Variants in VPS54 observed in about 807,000 individuals in gnomAD.
VPS54 encodes the protein vacuolar protein sorting-associated protein 54.
Under a neutral mutation model 121.5 loss-of-function variants are expected in VPS54, and 45 were observed. The observed-to-expected ratio is 0.37, with a 90% CI of 0.29 to 0.47. VPS54 has a LOEUF of 0.47. Among genes scored for constraint, VPS54 ranks in the 20% least tolerant of loss-of-function variants. The pLI, the probability that VPS54 is intolerant of heterozygous loss-of-function variation, is 0.99. For synonymous variants in VPS54, 371 were observed against 385.8 expected (o/e 0.96, Z 0.45); for missense variants, 1,090 against 1,131.4 (o/e 0.96, Z 0.52).
At chr2:64,013,641 TCAATATATAG>T (rs1222272036) in intron 1 of VPS54, among the ~76,000 whole-genome samples, 1 of 145,928 alleles carries the variant, frequency 6.9e-6, no homozygotes, top group Non-Finnish European at 1.5e-5. Flanking sequence ...TAAATATATA[TCAATATATAG>T]ATATATATTG....
At chr2:63,934,061 C>A in intron 11 of VPS54, 48 bp from the exon 12 acceptor site, 1 of 1,489,226 alleles carries the variant, frequency 6.7e-7, no homozygotes. Flanking sequence ...ATGTCTCTTA[C>A]CTGAAGTTCC....
At chr2:63,948,424 T>TG (rs1344009254) in intron 8 of VPS54, among the ~76,000 whole-genome samples, 1 of 149,604 alleles carries the variant, frequency 6.7e-6, no homozygotes, top group Non-Finnish European at 1.5e-5. Flanking sequence ...GTTTTTTTTT[T>TG]TTTTTTTTTT....
chr2:63,928,836 CAAA>C (rs1383479805), intron 12 of VPS54, among the ~76,000 whole-genome samples: 11 of 64,248 alleles, frequency 1.7e-4, no homozygotes, highest in Non-Finnish European at 3.0e-4. Context: ...AAATGGAAAG[CAAA>C]AAAAAAAAAA....
chr2:63,934,083 T>G, intron 11 of VPS54, 70 bp from the exon 12 acceptor site: 1 of 1,352,004 alleles, frequency 7.4e-7, no homozygotes, highest in East Asian at 2.4e-5. Flanking sequence ...AAAAGAGAAT[T>G]CTGTGCATGT....
At chr2:64,013,681 G>GAT (rs1364290820) in intron 1 of VPS54, among the ~76,000 whole-genome samples, 16 of 141,482 alleles carry the variant, frequency 1.1e-4, no homozygotes, top group Non-Finnish European at 2.1e-4. Flanking sequence ...TCTATATATT[G>GAT]ATATATATCA....
At chr2:63,907,507 A>T (rs2104420297) in intron 20 of VPS54, among the ~76,000 whole-genome samples, 1 of 148,798 alleles carries the variant, frequency 6.7e-6, no homozygotes, top group Admixed American at 6.8e-5. Flanking sequence ...AACAAGAGAG[A>T]AACTCCATCT....
In VPS54 at chr2:64,015,530, A is replaced by G. The variant is rs115244699; in HGVS notation, c.-21+3408T>C. On this transcript the variant is annotated intron_variant, in intron 1 of 22. Transcript: ENST00000272322. ...TGGTACCATTGACATTTTGAACCGG[A>G]TAATTTCTTGCAGAAGTATGTCCTG... Among the ~76,000 whole-genome samples the G allele has an allele frequency of 7.1e-3, 1,088 of 152,286 alleles. 7 individuals are homozygous for G. Among genetic ancestry groups the G allele is most frequent in the South Asian group, 0.023 (111 of 4,824 alleles).
chr2:63,934,422 C>G (rs1335837239), intron 11 of VPS54, among the ~76,000 whole-genome samples: 1 of 152,146 alleles, frequency 6.6e-6, no homozygotes, highest in Non-Finnish European at 1.5e-5. Flanking sequence ...TTCTCCTTTT[C>G]TCGTATCTTC....
chr2:63,933,103 G>A (rs77804166), intron 12 of VPS54, among the ~76,000 whole-genome samples: 23,082 of 152,106 alleles, frequency 0.15, 2,247 homozygotes, highest in Middle Eastern at 0.25. Context: ...TTAACACCTG[G>A]GGAATCTGGA....
intron 1 of VPS54, among the ~76,000 whole-genome samples, chr2:63,998,907 C>G (rs1243827007): frequency 6.6e-6 from 1 of 151,932 alleles, no homozygotes; most frequent in Non-Finnish European, 1.5e-5. Flanking sequence ...CAGATGGTAT[C>G]TTTTTGCTTA....
chr2:64,003,436 A>G (rs1268012949), intron 1 of VPS54, among the ~76,000 whole-genome samples: 2 of 152,146 alleles, frequency 1.3e-5, no homozygotes, highest in African/African-American at 4.8e-5. Context: ...CACTCTATGT[A>G]TTTCAATTTT....
At chr2:64,016,619 T>C (rs925634468) in intron 1 of VPS54, among the ~76,000 whole-genome samples, 1 of 151,888 alleles carries the variant, frequency 6.6e-6, no homozygotes, top group African/African-American at 2.4e-5. Context: ...TATTTTTTTT[T>C]TTTTTTTGAG....
chr2:63,920,131 A>G, intron 14 of VPS54, 136 bp from the exon 15 acceptor site: 2 of 621,152 alleles, frequency 3.2e-6, no homozygotes, highest in Non-Finnish European at 5.3e-6. Context: ...AAGCAGGACC[A>G]ATACTTAGAA....
intron 20 of VPS54, among the ~76,000 whole-genome samples, chr2:63,909,993 G>A (rs997719562): frequency 2.0e-5 from 3 of 152,100 alleles, no homozygotes; most frequent in African/African-American, 7.2e-5. Flanking sequence ...TCCCAAAAGT[G>A]CTGGGATTAC....
intron 1 of VPS54, among the ~76,000 whole-genome samples, chr2:64,003,232 A>C (rs1197192599): frequency 2.0e-5 from 3 of 152,214 alleles, no homozygotes; most frequent in Admixed American, 6.5e-5. Flanking sequence ...TCTAAGCACT[A>C]AACACAGGGA....
chr2:63,975,364 T>C, intron 3 of VPS54: 1 of 199,892 alleles, frequency 5.0e-6, no homozygotes, highest in Non-Finnish European at 1.0e-5. Context: ...ACAAACCACC[T>C]TCTTGCCTGG....
Position 63,912,642 on chromosome 2 carries a change from C to T in VPS54, c.2442G>A (p.Leu814=), listed in dbSNP as rs753509556. The T allele has an allele frequency of 4.5e-6, 7 of 1,571,074 alleles. No individual in the cohort carries two copies. The highest frequency in any genetic ancestry group is 4.6e-5 in the East Asian group (2 of 43,296). ...TKNLALSSRC[L]QLIVHYIPVI... ...CAGGAATGTAGTGCACAATTAACTG[C>T]AAACATCGTGAAGAAAGAGCTGAAG... Residue 814 remains leucine (L), a synonymous_variant, in exon 19 of 23, where the codon TTG becomes TTA. Coordinates refer to ENST00000272322, the MANE Select transcript of VPS54 (RefSeq NM_016516.3).
chr2:63,983,092 A>T (rs567140480), intron 2 of VPS54, among the ~76,000 whole-genome samples: 1 of 152,102 alleles, frequency 6.6e-6, no homozygotes, highest in Non-Finnish European at 1.5e-5. Context: ...TTTTCAGTTT[A>T]TATAAGTAAT....
chr2:63,968,454 G>A (rs538008376), intron 5 of VPS54, among the ~76,000 whole-genome samples: 2 of 151,304 alleles, frequency 1.3e-5, no homozygotes, highest in Admixed American at 6.6e-5. Flanking sequence ...GCTCACACCT[G>A]TAATCCCAGC....
Sources: gnomAD v4.1 joint callset for allele counts (sites outside exome capture counted in the v4.1 genomes callset) on GRCh38, gnomAD v4.1.1 for gene constraint, MANE v1.5 for transcripts, NCBI Gene and HGNC (gene_info 2026-07-23, HGNC 2026-07-21) for gene names.